Variants in SPSB1 observed in about 807,000 individuals in gnomAD.
SPSB1 encodes SPRY domain-containing SOCS box protein 1.
SPSB1 carries 8 observed loss-of-function variants against 21.2 expected under a neutral mutation model. The observed-to-expected ratio is 0.38, with a 90% confidence interval of 0.22 to 0.68. The LOEUF (loss-of-function observed/expected upper bound fraction) is 0.68, where lower values mean the gene tolerates loss of function less well. SPSB1 is among the 30% of genes least tolerant of loss of function. The pLI is 0.53. For synonymous variants in SPSB1, 169 were observed against 161.7 expected, an observed-to-expected ratio of 1.05 and a Z score of -0.34; for missense variants, 242 against 377.8, an observed-to-expected ratio of 0.64 and a Z score of 2.98.
chr1:9,331,737 T>C (rs949675970), intron 1 of SPSB1, among the ~76,000 whole-genome samples: 8 of 152,186 alleles, frequency 5.3e-5, no homozygotes, highest in African/African-American at 1.7e-4. Flanking sequence ...ACGTTGGTAC[T>C]TGCTCTCCGC....
chr1:9,297,519 C>T (rs1021416290), intron 1 of SPSB1, among the ~76,000 whole-genome samples: 1 of 152,034 alleles, frequency 6.6e-6, no homozygotes. Flanking sequence ...CTAATTTATA[C>T]AAGCAGACAC....
chr1:9,317,564 A>G lies in SPSB1; in HGVS notation c.-150+24493A>G, dbSNP rs1639635535. Among the ~76,000 whole-genome samples the G allele has an allele frequency of 6.6e-6, 1 of 152,082 alleles. No homozygotes were observed. The highest frequency in any genetic ancestry group is 2.1e-4 in the South Asian group (1 of 4,816). ...AAGCTCACTGCGGCTTCTGCCTCCCAGGCTCGGGGATCCTCACACCTCAGC... is the reference window on the plus strand; with the variant it reads ...AAGCTCACTGCGGCTTCTGCCTCCCGGGCTCGGGGATCCTCACACCTCAGC... On this transcript the variant is annotated intron_variant, in intron 1 of 2. Transcript: ENST00000328089. This position sits in a 1 kb window ranked among gnomAD's most constrained non-coding sequence, Gnocchi z 4.3.
At chr1:9,338,652 C>T (rs538622909) in intron 1 of SPSB1, among the ~76,000 whole-genome samples, 8 of 152,390 alleles carry the variant, frequency 5.2e-5, no homozygotes, top group African/African-American at 7.2e-5. Flanking sequence ...GGAAGGGAAT[C>T]GTGCTGGCTT....
intron 1 of SPSB1, among the ~76,000 whole-genome samples, chr1:9,313,913 C>T (rs867849879): frequency 1.3e-5 from 2 of 152,180 alleles, no homozygotes; most frequent in Non-Finnish European, 1.5e-5. Flanking sequence ...CTGTGGCTCA[C>T]GCCTGTAATC....
Position 9,367,535 on chromosome 1 carries a change from C to T in SPSB1, c.782C>T (p.Pro261Leu), listed in dbSNP as rs762524481. 1 of 1,612,862 alleles carries T rather than the reference C, an allele frequency of 6.2e-7. No homozygotes were observed. Among genetic ancestry groups the T allele is most frequent in the Non-Finnish European group, 8.5e-7 (1 of 1,179,490 alleles). ...CGCCTGGGGGAGATCCACACGCTGC[C>T]GCTGCCGGCTTCCCTCAAGGCCTAC... ...RERLGEIHTL[P>L]LPASLKAYLL... The change falls in exon 3 of 3, where the codon CCG becomes CTG. Residue 261 changes from proline to leucine, a missense_variant. Pro to Leu is a moderately conservative substitution (Grantham distance 98). Coordinates refer to ENST00000328089, the MANE Select transcript of SPSB1 (RefSeq NM_025106.4). The surrounding 1 kb of genome is among the most constrained non-coding windows in gnomAD (Gnocchi z 5.9).
At chr1:9,331,620 C>T (rs1393966691) in intron 1 of SPSB1, among the ~76,000 whole-genome samples, 3 of 152,254 alleles carry the variant, frequency 2.0e-5, no homozygotes, top group East Asian at 1.9e-4. Flanking sequence ...CGTGAGTCAC[C>T]GTGCCTAGCC....
At chr1:9,301,828 C>T (rs536979567) in intron 1 of SPSB1, among the ~76,000 whole-genome samples, 39 of 152,196 alleles carry the variant, frequency 2.6e-4, no homozygotes, top group African/African-American at 7.5e-4. Context: ...CCCCATTCCC[C>T]GGGATGATCA....
At chr1:9,354,837 G>A (rs981831611) in intron 1 of SPSB1, among the ~76,000 whole-genome samples, 1 of 152,114 alleles carries the variant, frequency 6.6e-6, no homozygotes, top group African/African-American at 2.4e-5. Flanking sequence ...TACCAGTGGA[G>A]AGGGATCGGG....
At chr1:9,354,066 C>G (rs1640320926) in intron 1 of SPSB1, among the ~76,000 whole-genome samples, 2 of 152,190 alleles carry the variant, frequency 1.3e-5, no homozygotes, top group African/African-American at 4.8e-5. Flanking sequence ...ACCTGGCCGC[C>G]CCGGGAACAG....
At chr1:9,294,220 C>G (rs1019967121) in intron 1 of SPSB1, among the ~76,000 whole-genome samples, 9 of 150,942 alleles carry the variant, frequency 6.0e-5, no homozygotes, top group Non-Finnish European at 1.0e-4. Context: ...CTGTGTGTGT[C>G]TTTGCGTGTG....
At chr1:9,320,481 GCCGTTT>G (rs1471698917) in intron 1 of SPSB1, among the ~76,000 whole-genome samples, 1 of 152,218 alleles carries the variant, frequency 6.6e-6, no homozygotes, top group Non-Finnish European at 1.5e-5. Flanking sequence ...GCTGGGAGAA[GCCGTTT>G]CCCTTGGCGT....
At position 9,353,893 on chromosome 1, in the gene SPSB1, G is replaced by A. The variant is rs533564764; in HGVS notation, c.-149-1850G>A. On this transcript the variant is annotated intron_variant, in intron 1 of 2. Coordinates refer to ENST00000328089, the MANE Select transcript of SPSB1 (RefSeq NM_025106.4). ...AGATAGCGCCATTGCACTCCAGCCT[G>A]GGCAACAAGAGCAAAACTCCATCTC... 2.0e-5 allele frequency among the ~76,000 whole-genome samples: 3 copies of A among 150,542 alleles called. No homozygotes were observed. In the East Asian group the frequency reaches 5.9e-4, roughly 30 times the overall value.
At chr1:9,315,462 C>T (rs1639598447) in intron 1 of SPSB1, among the ~76,000 whole-genome samples, 1 of 152,242 alleles carries the variant, frequency 6.6e-6, no homozygotes, top group African/African-American at 2.4e-5. Context: ...GGTTTCTGCT[C>T]TCCCCGTTTT....
At position 9,304,330 on chromosome 1, in the gene SPSB1, C is replaced by T. The variant is rs138549133; in HGVS notation, c.-150+11259C>T. Among the ~76,000 whole-genome samples, 452 of 152,296 alleles carry T rather than the reference C, an allele frequency of 3.0e-3. 1 individual carries two copies. Among genetic ancestry groups the T allele is most frequent in the African/African-American group, 0.01 (436 of 41,550 alleles). ...CCTGGGTCTCCAGCTTGCAGATGGC[C>T]TGTAGTGGGACTCAGCCTCCATAAC... On this transcript the variant is annotated intron_variant, in intron 1 of 2. Coordinates refer to ENST00000328089, the MANE Select transcript of SPSB1 (RefSeq NM_025106.4).
chr1:9,346,970 C>G lies in SPSB1; in HGVS notation c.-149-8773C>G, dbSNP rs182663130. 1.1e-4 allele frequency among the ~76,000 whole-genome samples: 16 copies of G among 152,314 alleles called. No homozygotes were observed. Among genetic ancestry groups the G allele is most frequent in the African/African-American group, 3.9e-4 (16 of 41,558 alleles). On this transcript the variant is annotated intron_variant, in intron 1 of 2. Transcript: ENST00000328089. This position sits in a 1 kb window ranked among gnomAD's most constrained non-coding sequence, Gnocchi z 4.4. Reference sequence around the variant, plus strand: ...GGATAGATCACTGTAGAAATAATGTCCCTCTTCGGGATGGCCCCAAAGCTT... The same window carrying G: ...GGATAGATCACTGTAGAAATAATGTGCCTCTTCGGGATGGCCCCAAAGCTT...
chr1:9,365,505 C>CTA (rs1403768668), intron 2 of SPSB1, among the ~76,000 whole-genome samples: 2 of 152,194 alleles, frequency 1.3e-5, no homozygotes, highest in Admixed American at 1.3e-4. Context: ...CTTTACTGAG[C>CTA]TATAATTCAC....
At chr1:9,320,840 G>A (rs1341007739) in intron 1 of SPSB1, among the ~76,000 whole-genome samples, 1 of 152,126 alleles carries the variant, frequency 6.6e-6, no homozygotes, top group Non-Finnish European at 1.5e-5. Flanking sequence ...AAGCTACAAC[G>A]TCCTGCGCCG....
intron 1 of SPSB1, among the ~76,000 whole-genome samples, chr1:9,323,594 T>C (rs555193918): frequency 1.3e-5 from 2 of 152,252 alleles, no homozygotes; most frequent in Admixed American, 1.3e-4. Context: ...AATCCAGATG[T>C]AAACAAAGCG....
In SPSB1 at chr1:9,356,651, A is replaced by G. The variant is rs1035962450; in HGVS notation, c.694+66A>G. 1 of 1,520,980 alleles carries G rather than the reference A, an allele frequency of 6.6e-7. No homozygotes were observed. Among genetic ancestry groups the G allele is most frequent in the Non-Finnish European group, 8.8e-7 (1 of 1,136,350 alleles). 94.2% of individuals were successfully genotyped at this position (1,520,980 alleles called of 1,614,324 possible). The stretch of plus-strand genomic sequence containing the variant: ...AGTCCCCATGGTCCTGGCTGGGCTC[A>G]GGCCAAAAGTTGATTCATTGGAACT... On this transcript the variant is annotated intron_variant, in intron 2 of 2. Coordinates refer to ENST00000328089, the MANE Select transcript of SPSB1 (RefSeq NM_025106.4). The surrounding 1 kb of genome is among the most constrained non-coding windows in gnomAD (Gnocchi z 7.4).
Sources: allele counts gnomAD v4.1 joint callset (sites outside exome capture counted in the v4.1 genomes callset), GRCh38; gene constraint gnomAD v4.1.1; non-coding constraint Gnocchi (gnomAD v3.1); transcripts MANE v1.5; gene names NCBI Gene and HGNC (gene_info 2026-07-23, HGNC 2026-07-21).